LBP: variants seen among roughly 807,000 people sequenced by gnomAD.
LBP encodes the protein lipopolysaccharide binding protein.
Under a neutral mutation model 56.6 loss-of-function variants are expected in LBP, and 53 were observed. The observed-to-expected ratio is 0.94, with a 90% CI of 0.75 to 1.18. LBP has a LOEUF of 1.18. Ranked by LOEUF, LBP falls within the 50% of genes most tolerant of loss-of-function variation. LBP has a pLI of 0.00. For missense variants in LBP, 601 were observed against 598.3 expected (o/e 1.00, Z -0.05); for synonymous variants, 227 against 247.5 (o/e 0.92, Z 0.78).
In LBP at chr20:38,376,964, C is replaced by G. The variant is rs2083964098; in HGVS notation, c.*295C>G. On this transcript the variant is annotated 3_prime_UTR_variant, in exon 15 of 15. Coordinates refer to ENST00000217407, the MANE Select transcript of LBP (RefSeq NM_004139.5). ...TTCGCCATCTGATCCCCATGCCTAG[C>G]AGAGTGCTGGCACTTAGTAGGTCCT... The G allele has an allele frequency of 3.6e-6, 2 of 562,900 alleles. No homozygotes were observed. The highest frequency in any genetic ancestry group is 2.2e-5 in the Admixed American group (1 of 45,696). 34.9% of individuals were successfully genotyped at this position (562,900 alleles called of 1,614,324 possible).
chr20:38,373,994 T>C lies in LBP; in HGVS notation c.1382T>C (p.Leu461Pro), dbSNP rs374520012. 4 of 1,614,096 alleles carry C rather than the reference T, an allele frequency of 2.5e-6. No homozygotes were observed. The highest frequency in any genetic ancestry group is 4.5e-5 in the East Asian group (2 of 44,878). The change falls in exon 14 of 15, where the codon CTT becomes CCT. Residue 461 changes from leucine (L) to proline (P), a missense_variant. By Grantham distance (98) the Leu-to-Pro change is moderately conservative. Coordinates refer to ENST00000217407, the MANE Select transcript of LBP (RefSeq NM_004139.5). ...PLLKRVQLYD[L>P]GLQIHKDFLF... Reference sequence around the variant, plus strand: ...CTGAAGCGTGTTCAGCTCTACGACCTTGGGCTGCAGATCCATAAGGTCGGT... The same window carrying C: ...CTGAAGCGTGTTCAGCTCTACGACCCTGGGCTGCAGATCCATAAGGTCGGT...
chr20:38,361,031 G>A (rs866521965), intron 6 of LBP, among the ~76,000 whole-genome samples: 33 of 151,834 alleles, frequency 2.2e-4, no homozygotes, highest in African/African-American at 7.2e-4. Context: ...GCGTGGTGGC[G>A]CATGCCTGTA....
At position 38,376,895 on chromosome 20, in the gene LBP, G is replaced by T. The variant is rs546854724; in HGVS notation, c.*226G>T. On this transcript the variant is annotated 3_prime_UTR_variant, in exon 15 of 15. Coordinates refer to ENST00000217407, the MANE Select transcript of LBP (RefSeq NM_004139.5). ...CCCTCCAGGAGGGACCACCCTCCCC[G>T]ACTGGCCTGGGATATCTTTACAAGC... 7.4e-6 allele frequency: 5 copies of T among 679,146 alleles called. No homozygotes were observed. The highest frequency in any genetic ancestry group is 1.8e-5 in the African/African-American group (1 of 56,688). 42.1% of individuals were successfully genotyped at this position (679,146 alleles called of 1,614,324 possible).
intron 5 of LBP, among the ~76,000 whole-genome samples, chr20:38,359,313 G>T (rs1363074011): frequency 6.6e-6 from 1 of 152,138 alleles, no homozygotes; most frequent in Non-Finnish European, 1.5e-5. Flanking sequence ...GGGCATGGTG[G>T]CTCATGCCTG....
intron 3 of LBP, among the ~76,000 whole-genome samples, chr20:38,352,652 G>A (rs1351952688): frequency 6.6e-6 from 1 of 152,170 alleles, no homozygotes; most frequent in Admixed American, 6.5e-5. Flanking sequence ...CTACTTAGGA[G>A]GATGAGACAG....
intron 1 of LBP, among the ~76,000 whole-genome samples, chr20:38,348,369 A>G (rs2076808149): frequency 6.6e-6 from 1 of 151,376 alleles, no homozygotes; most frequent in Non-Finnish European, 1.5e-5. Flanking sequence ...CTGGAGTGCA[A>G]TGGCACAATC....
intron 8 of LBP, among the ~76,000 whole-genome samples, chr20:38,366,144 G>A (rs76139165): frequency 0.032 from 4,909 of 152,270 alleles, 130 homozygotes; most frequent in Non-Finnish European, 0.048. Context: ...GATGGTGGGA[G>A]AAACAGTGTG....
chr20:38,372,814 G>A lies in LBP; in HGVS notation c.1261-258G>A, dbSNP rs150498373. On this transcript the variant is annotated intron_variant, in intron 12 of 14. Transcript: ENST00000217407. ...AAACATTCTCACTGTAAATAAAACC[G>A]ATACTAAAGATAAGGCTAAGGACAT... Among the ~76,000 whole-genome samples, 617 of 152,182 alleles carry A rather than the reference G, an allele frequency of 4.1e-3. 3 individuals are homozygous for A. The highest frequency in any genetic ancestry group is 0.014 in the African/African-American group (589 of 41,530).
At position 38,360,646 on chromosome 20, in the gene LBP, A is replaced by AC. The variant is rs1222365514; in HGVS notation, c.589-57dup. The stretch of plus-strand genomic sequence containing the variant: ...GAATAATGTGACTGCAGTGATCAGC[A>AC]CGGGGCCAGACCAGAGCTGGGGAAC... On this transcript the variant is annotated intron_variant, in intron 5 of 14. Coordinates refer to ENST00000217407, the MANE Select transcript of LBP (RefSeq NM_004139.5). 6 of 1,172,640 alleles carry AC rather than the reference A, an allele frequency of 5.1e-6. No individual in the cohort carries two copies. The African/African-American group carries it at 7.6e-5, about 15-fold the overall frequency. The allele number at this position is 1,172,640 out of a possible 1,614,324, so 72.6% of individuals were successfully genotyped here. A position where few individuals can be genotyped will look rare whatever the true frequency, so the allele number is the denominator to read the frequency against.
At chr20:38,356,453 CA>C (rs567315788) in intron 5 of LBP, among the ~76,000 whole-genome samples, 30 of 119,352 alleles carry the variant, frequency 2.5e-4, no homozygotes, top group East Asian at 2.0e-3. Context: ...CACACACACA[CA>C]CCCTCGTCTG....
intron 6 of LBP, among the ~76,000 whole-genome samples, chr20:38,362,160 G>T (rs1291739014): frequency 1.2e-4 from 18 of 147,112 alleles, no homozygotes; most frequent in Non-Finnish European, 2.5e-4. Flanking sequence ...GCGATTTCAC[G>T]CCATTCTCCT....
intron 5 of LBP, among the ~76,000 whole-genome samples, chr20:38,358,358 G>A (rs1168774274): frequency 6.6e-6 from 1 of 152,110 alleles, no homozygotes; most frequent in Non-Finnish European, 1.5e-5. Flanking sequence ...TCCTCAGGAG[G>A]CCCTGCTGTG....
At chr20:38,356,408 CCACACACACGCG>C (rs2076840305) in intron 5 of LBP, among the ~76,000 whole-genome samples, 1 of 108,820 alleles carries the variant, frequency 9.2e-6, no homozygotes, top group African/African-American at 3.9e-5. Flanking sequence ...ACCCCCCACA[CCACACACACGCG>C]CACACACACA....
Position 38,366,760 on chromosome 20 carries a change from T to C in LBP, c.922-9T>C. Reference sequence around the variant, plus strand: ...CACCCTAAAACTTCTTCATGTCTCTTTGCTGCAGATACCGCCTGACTCTAA... The same window carrying C: ...CACCCTAAAACTTCTTCATGTCTCTCTGCTGCAGATACCGCCTGACTCTAA... On this transcript the variant is annotated splice_polypyrimidine_tract_variant and intron_variant, in intron 8 of 14. Transcript: ENST00000217407. The C allele has an allele frequency of 6.2e-7, 1 of 1,613,994 alleles. No individual in the cohort carries two copies. The highest frequency in any genetic ancestry group is 1.6e-4 in the Middle Eastern group (1 of 6,062).
intron 3 of LBP, among the ~76,000 whole-genome samples, chr20:38,351,273 C>T (rs530751821): frequency 4.1e-4 from 63 of 152,092 alleles, no homozygotes; most frequent in Non-Finnish European, 8.2e-4. Flanking sequence ...ATCTTGGAAG[C>T]GATCTGAGGA....
chr20:38,374,833 G>T (rs1312678701), intron 14 of LBP, among the ~76,000 whole-genome samples: 1 of 147,992 alleles, frequency 6.8e-6, no homozygotes, highest in African/African-American at 2.5e-5. Context: ...ACCCAGGCTG[G>T]AGTGCAGTGG....
intron 14 of LBP, 48 bp from the exon 15 acceptor site, chr20:38,376,577 G>A (rs575336001): frequency 1.3e-6 from 2 of 1,550,146 alleles, no homozygotes; most frequent in African/African-American, 1.4e-5. Flanking sequence ...GCATCTTTTT[G>A]GAGTAGAGGA....
intron 5 of LBP, among the ~76,000 whole-genome samples, chr20:38,356,058 AAC>A (rs948999429): frequency 7.0e-6 from 1 of 142,248 alleles, no homozygotes; most frequent in Non-Finnish European, 1.5e-5. Context: ...AAGGGAAAAA[AAC>A]ACACACACAA....
chr20:38,356,442 A>G (rs1219189740), intron 5 of LBP, among the ~76,000 whole-genome samples: 1 of 122,490 alleles, frequency 8.2e-6, no homozygotes, highest in Non-Finnish European at 1.8e-5. Context: ...ACACACACAC[A>G]CACACACACA....
Sources: allele counts gnomAD v4.1 joint callset (sites outside exome capture counted in the v4.1 genomes callset), GRCh38; gene constraint gnomAD v4.1.1; transcripts MANE v1.5; gene names NCBI Gene and HGNC (gene_info 2026-07-23, HGNC 2026-07-21).